Variants in PCNX1 observed in about 807,000 individuals in gnomAD.
The protein encoded by PCNX1 is pecanex-like protein 1.
In PCNX1, 78 loss-of-function variants were observed where a neutral mutation model predicts 242.2. That is an observed-to-expected ratio of 0.32 (90% CI 0.27 to 0.39). The LOEUF (loss-of-function observed/expected upper bound fraction) is 0.39, where lower values mean the gene tolerates loss of function less well. Ranked by LOEUF, PCNX1 falls within the 10% of genes least tolerant of loss-of-function variation. PCNX1 has a pLI of 1.00. For synonymous variants in PCNX1, 1,024 were observed against 1,032.9 expected (o/e 0.99, Z 0.17); for missense variants, 2,581 against 2,856.5 (o/e 0.90, Z 2.20).
intron 2 of PCNX1, among the ~76,000 whole-genome samples, chr14:70,949,306 T>TGCACACAC (rs2057668624): frequency 6.9e-6 from 1 of 145,024 alleles, no homozygotes; most frequent in African/African-American, 2.6e-5. Flanking sequence ...TACACACATA[T>TGCACACAC]GTGTGTAGAT....
intron 1 of PCNX1, among the ~76,000 whole-genome samples, chr14:70,945,169 C>G (rs1470539851): frequency 6.6e-6 from 1 of 152,126 alleles, no homozygotes; most frequent in African/African-American, 2.4e-5. Context: ...AGTCCCCAGG[C>G]ACCAGTCAAG....
intron 19 of PCNX1, among the ~76,000 whole-genome samples, chr14:71,037,875 G>A (rs1210282228): frequency 7.0e-6 from 1 of 142,672 alleles, no homozygotes; most frequent in Non-Finnish European, 1.5e-5. Flanking sequence ...CCAAAACAGA[G>A]ATATAGATCA....
intron 11 of PCNX1, among the ~76,000 whole-genome samples, chr14:71,013,562 G>GTTTTTTTTTTTTTTTTTTTTTTTT (rs2059879932): frequency 6.9e-6 from 1 of 145,560 alleles, no homozygotes; most frequent in Admixed American, 6.9e-5. Context: ...TGTTTCCCTG[G>GTTTTTTTTTTTTTTTTTTTTTTTT]TTCTTAACAC....
intron 16 of PCNX1, among the ~76,000 whole-genome samples, chr14:71,032,703 T>C (rs2060423167): frequency 6.6e-6 from 1 of 152,216 alleles, no homozygotes; most frequent in African/African-American, 2.4e-5. Flanking sequence ...GATTAGAGTA[T>C]TGTCTGCCTC....
At chr14:70,966,271 A>C (rs894354127) in intron 3 of PCNX1, among the ~76,000 whole-genome samples, 6 of 152,174 alleles carry the variant, frequency 3.9e-5, no homozygotes, top group African/African-American at 1.4e-4. Context: ...TAGAATACTC[A>C]ACTAATAGTG....
Position 71,033,518 on chromosome 14 carries a change from C to T in PCNX1, c.3648C>T (p.Ser1216=). The T allele has an allele frequency of 1.3e-6, 2 of 1,581,450 alleles. No individual in the cohort carries two copies. The highest frequency in any genetic ancestry group is 1.7e-6 in the Non-Finnish European group (2 of 1,150,840). ...TGTCTTACCATCTCAGCCGACAAAGCAGTGATCCATCTGTACTTTTGTAAG... is the reference window on the plus strand; with the variant it reads ...TGTCTTACCATCTCAGCCGACAAAGTAGTGATCCATCTGTACTTTTGTAAG... ...VAVSYHLSRQ[S]SDPSVLFSLV... Residue 1216 remains serine (S), a synonymous_variant, in exon 17 of 36, where the codon AGC becomes AGT. Coordinates refer to ENST00000304743, the MANE Select transcript of PCNX1 (RefSeq NM_014982.3).
intron 30 of PCNX1, among the ~76,000 whole-genome samples, chr14:71,096,115 C>T (rs1271633765): frequency 5.9e-5 from 9 of 152,086 alleles, no homozygotes; most frequent in African/African-American, 9.7e-5. Context: ...GTCAGGAGAT[C>T]GAGACCATCC....
At chr14:70,951,089 G>GT (rs2057758742) in intron 2 of PCNX1, among the ~76,000 whole-genome samples, 1 of 151,812 alleles carries the variant, frequency 6.6e-6, no homozygotes, top group African/African-American at 2.4e-5. Context: ...ATTGTTGTCA[G>GT]TTTGAAAACA....
Position 70,947,052 on chromosome 14 carries a change from G to A in PCNX1, c.291G>A (p.Glu97=). The A allele has an allele frequency of 6.2e-7, 1 of 1,613,882 alleles. No individual in the cohort carries two copies. Among genetic ancestry groups the A allele is most frequent in the African/African-American group, 1.3e-5 (1 of 75,038 alleles). Reference sequence around the variant, plus strand: ...AAGTTGTAGATAGGACTGCAAATGAGTTCACGGATCAGCGAACCAAAGCTG... The same window carrying A: ...AAGTTGTAGATAGGACTGCAAATGAATTCACGGATCAGCGAACCAAAGCTG... ...AGEVVDRTAN[E]FTDQRTKAEQ... Residue 97 remains glutamate, a synonymous_variant, in exon 2 of 36, where the codon GAG becomes GAA. Transcript: ENST00000304743.
intron 6 of PCNX1, among the ~76,000 whole-genome samples, chr14:70,980,923 G>A (rs979069838): frequency 6.6e-6 from 1 of 152,040 alleles, no homozygotes; most frequent in African/African-American, 2.4e-5. Flanking sequence ...GTTCTCCAAC[G>A]ATTTCTTTTC....
chr14:71,036,037 G>GTT, intron 18 of PCNX1, 28 bp from the exon 19 acceptor site: 2 of 1,391,948 alleles, frequency 1.4e-6, no homozygotes, highest in Non-Finnish European at 2.0e-6. Flanking sequence ...TTATGTAATT[G>GTT]TTTAATAATT....
At chr14:70,981,140 A>C (rs779782068) in intron 6 of PCNX1, among the ~76,000 whole-genome samples, 19 of 152,128 alleles carry the variant, frequency 1.2e-4, no homozygotes, top group Non-Finnish European at 2.6e-4. Context: ...TTAAAATGAG[A>C]TGATTATAGT....
At chr14:71,065,995 A>G (rs1346010081) in intron 26 of PCNX1, among the ~76,000 whole-genome samples, 3 of 152,136 alleles carry the variant, frequency 2.0e-5, no homozygotes, top group Non-Finnish European at 4.4e-5. Context: ...TACAAGTACC[A>G]TGCTGTTTTG....
At chr14:71,024,428 A>G (rs370593961) in intron 13 of PCNX1, among the ~76,000 whole-genome samples, 257 of 152,278 alleles carry the variant, frequency 1.7e-3, no homozygotes, top group African/African-American at 5.8e-3. Flanking sequence ...CATGATATTG[A>G]AATTTTTGAT....
chr14:71,066,164 C>T (rs922059550), intron 26 of PCNX1, among the ~76,000 whole-genome samples: 4 of 152,126 alleles, frequency 2.6e-5, no homozygotes, highest in Admixed American at 6.6e-5. Context: ...TCAGTGGCAG[C>T]TTGATGGGGA....
chr14:71,048,797 G>A (rs1041806811), intron 22 of PCNX1, among the ~76,000 whole-genome samples: 4 of 151,974 alleles, frequency 2.6e-5, no homozygotes, highest in Admixed American at 1.3e-4. Flanking sequence ...CAGCTTAAGC[G>A]ATAATGACAG....
At chr14:70,952,872 C>T (rs375767576) in intron 2 of PCNX1, among the ~76,000 whole-genome samples, 1 of 152,096 alleles carries the variant, frequency 6.6e-6, no homozygotes, top group Non-Finnish European at 1.5e-5. Context: ...ATACTCTCAC[C>T]GGTAGTGTAT....
At chr14:71,036,581 T>G (rs1253462303) in intron 19 of PCNX1, among the ~76,000 whole-genome samples, 1 of 152,194 alleles carries the variant, frequency 6.6e-6, no homozygotes, top group East Asian at 1.9e-4. Flanking sequence ...AGCAATAGGC[T>G]CTACCACATA....
At chr14:70,993,446 T>G (rs1038899728) in intron 7 of PCNX1, among the ~76,000 whole-genome samples, 1 of 152,192 alleles carries the variant, frequency 6.6e-6, no homozygotes, top group South Asian at 2.1e-4. Flanking sequence ...TAAATTAATT[T>G]AATAAAAATT....
Sources: allele counts gnomAD v4.1 joint callset (sites outside exome capture counted in the v4.1 genomes callset), GRCh38; gene constraint gnomAD v4.1.1; transcripts MANE v1.5; gene names NCBI Gene and HGNC (gene_info 2026-07-23, HGNC 2026-07-21).